Variants in CPED1 observed in about 807,000 individuals in gnomAD.
CPED1 encodes the protein cadherin like and PC-esterase domain containing 1, also known as cadherin-like and PC-esterase domain-containing protein 1.
CPED1 carries 114 observed loss-of-function variants against 128.2 expected under a neutral mutation model. The observed-to-expected ratio is 0.89, with a 90% CI of 0.76 to 1.04. The LOEUF is 1.04. Among genes scored for constraint, CPED1 ranks in the 50% least tolerant of loss-of-function variants. CPED1 has a pLI of 0.00. For missense variants in CPED1, 1,211 were observed against 1,207.1 expected (o/e 1.00, Z -0.05); for synonymous variants, 462 against 426.7 (o/e 1.08, Z -1.02).
chr7:121,067,505 G>A (rs1793869462), intron 5 of CPED1, among the ~76,000 whole-genome samples: 1 of 152,114 alleles, frequency 6.6e-6, no homozygotes, highest in African/African-American at 2.4e-5. Flanking sequence ...TCTTAATCCA[G>A]TCTATCATTG....
At position 121,036,507 on chromosome 7, in the gene CPED1, A is replaced by ATATT. The variant is rs1449540146; in HGVS notation, c.434-10379_434-10378insATTT. Among the ~76,000 whole-genome samples, 459 of 133,836 alleles carry ATATT rather than the reference A, an allele frequency of 3.4e-3. 3 individuals carry two copies. The highest frequency in any genetic ancestry group is 0.011 in the South Asian group (47 of 4,266). The allele number at this position is 133,836 out of a possible 152,430, so 87.8% of individuals were successfully genotyped here. On this transcript the variant is annotated intron_variant, in intron 3 of 22. Coordinates refer to ENST00000310396, the MANE Select transcript of CPED1 (RefSeq NM_024913.5). ...GGTGTGTGTATATATATATATATAT[A>ATATT]TTTTTTTTTTCTTTCTTTATCCACT...
At chr7:121,159,755 C>T (rs1321936565) in intron 16 of CPED1, among the ~76,000 whole-genome samples, 5 of 152,138 alleles carry the variant, frequency 3.3e-5, no homozygotes, top group African/African-American at 7.2e-5. Context: ...CTCCCTCACT[C>T]GCACACATAC....
intron 2 of CPED1, among the ~76,000 whole-genome samples, chr7:121,007,344 C>G (rs957586513): frequency 6.6e-6 from 1 of 151,452 alleles, no homozygotes; most frequent in Non-Finnish European, 1.5e-5. Context: ...AGAAAGGCAC[C>G]GTATGGTCCC....
intron 18 of CPED1, among the ~76,000 whole-genome samples, chr7:121,253,200 A>C (rs1798725435): frequency 6.6e-6 from 1 of 151,428 alleles, no homozygotes; most frequent in African/African-American, 2.4e-5. Context: ...TTCTCAGCAA[A>C]CTATCACAAG....
intron 22 of CPED1, among the ~76,000 whole-genome samples, chr7:121,289,172 T>C (rs1792642259): frequency 6.6e-6 from 1 of 152,174 alleles, no homozygotes; most frequent in Non-Finnish European, 1.5e-5. Flanking sequence ...CTGATTTCAC[T>C]GGATTTCTTA....
At chr7:121,244,420 C>G (rs767486770) in intron 18 of CPED1, 82 bp downstream of exon 18, 5 of 1,429,914 alleles carry the variant, frequency 3.5e-6, no homozygotes, top group Non-Finnish European at 4.8e-6. Flanking sequence ...TCTACTAGAC[C>G]AATTCCTGCT....
chr7:121,164,042 T>C (rs1464549263), intron 16 of CPED1, among the ~76,000 whole-genome samples: 1 of 152,238 alleles, frequency 6.6e-6, no homozygotes, highest in East Asian at 1.9e-4. Context: ...CTAGGTGCTC[T>C]GCTCTTTCTT....
At chr7:121,192,137 C>T (rs1797154863) in intron 16 of CPED1, among the ~76,000 whole-genome samples, 1 of 152,048 alleles carries the variant, frequency 6.6e-6, no homozygotes, top group Non-Finnish European at 1.5e-5. Context: ...GTCCACTGGC[C>T]ATTTCCTAAG....
chr7:121,026,684 A>G (rs1486151443), intron 3 of CPED1, among the ~76,000 whole-genome samples: 1 of 139,686 alleles, frequency 7.2e-6, no homozygotes, highest in Non-Finnish European at 1.6e-5. Flanking sequence ...AAAAAAAAAA[A>G]GTTTCCCAGG....
chr7:121,161,197 T>C (rs1723447157), intron 16 of CPED1, among the ~76,000 whole-genome samples: 1 of 152,116 alleles, frequency 6.6e-6, no homozygotes, highest in African/African-American at 2.4e-5. Context: ...TGCTCAGAGC[T>C]CAAAATCTAA....
intron 16 of CPED1, among the ~76,000 whole-genome samples, chr7:121,164,902 T>G (rs1034473555): frequency 6.6e-6 from 1 of 152,234 alleles, no homozygotes; most frequent in African/African-American, 2.4e-5. Flanking sequence ...TGACTTCTAG[T>G]CCTATATTGT....
chr7:121,215,978 A>C (rs1377622775), intron 16 of CPED1, among the ~76,000 whole-genome samples: 2 of 152,050 alleles, frequency 1.3e-5, no homozygotes, highest in Non-Finnish European at 2.9e-5. Context: ...ACAGATAAGA[A>C]AATTAAGGCA....
intron 3 of CPED1, among the ~76,000 whole-genome samples, chr7:121,038,171 A>G (rs1792951570): frequency 6.6e-6 from 1 of 151,752 alleles, no homozygotes; most frequent in Non-Finnish European, 1.5e-5. Flanking sequence ...TTCCAGTACT[A>G]TATTGAATAG....
intron 16 of CPED1, among the ~76,000 whole-genome samples, chr7:121,201,051 C>T (rs570620427): frequency 7.2e-5 from 11 of 152,194 alleles, no homozygotes; most frequent in African/African-American, 2.4e-4. Context: ...GTGGGTGTTT[C>T]TGCCTTTAAT....
In CPED1 at chr7:120,989,608, A is replaced by G. The variant is rs200553334; in HGVS notation, c.-14A>G. 3.1e-6 allele frequency: 5 copies of G among 1,613,328 alleles called. No homozygotes were observed. Among genetic ancestry groups the G allele is most frequent in the Non-Finnish European group, 4.2e-6 (5 of 1,179,774 alleles). ...CCGCAACGTGGACAGGGGCCAAGTGAAGCTGAACTGGTCATGGTCTGTCGC... is the reference window on the plus strand; with the variant it reads ...CCGCAACGTGGACAGGGGCCAAGTGGAGCTGAACTGGTCATGGTCTGTCGC... On this transcript the variant is annotated 5_prime_UTR_variant, in exon 2 of 23. It removes the in-frame stop codon of an upstream open reading frame in the 5' UTR. Coordinates refer to ENST00000310396, the MANE Select transcript of CPED1 (RefSeq NM_024913.5).
At chr7:121,251,412 G>A (rs1367967434) in intron 18 of CPED1, among the ~76,000 whole-genome samples, 1 of 151,782 alleles carries the variant, frequency 6.6e-6, no homozygotes, top group East Asian at 1.9e-4. Flanking sequence ...GCACAAGACA[G>A]GGATGCCCTC....
At chr7:121,208,504 A>G (rs527604153) in intron 16 of CPED1, among the ~76,000 whole-genome samples, 4 of 152,154 alleles carry the variant, frequency 2.6e-5, no homozygotes, top group Non-Finnish European at 5.9e-5. Context: ...TAATCCTCTG[A>G]ACAATTTTAT....
chr7:121,278,132 C>T (rs555301183), intron 22 of CPED1, among the ~76,000 whole-genome samples: 1 of 152,004 alleles, frequency 6.6e-6, no homozygotes, highest in South Asian at 2.1e-4. Flanking sequence ...AAAGGGGGCT[C>T]ATAATAGCTT....
chr7:121,228,911 A>G (rs1410604723), intron 16 of CPED1, among the ~76,000 whole-genome samples: 1 of 152,096 alleles, frequency 6.6e-6, no homozygotes, highest in East Asian at 1.9e-4. Flanking sequence ...TCTCACTTAC[A>G]TGTGGGAGCT....
Sources: allele counts gnomAD v4.1 joint callset (sites outside exome capture counted in the v4.1 genomes callset), GRCh38; gene constraint gnomAD v4.1.1; transcripts MANE v1.5; gene names NCBI Gene and HGNC (gene_info 2026-07-23, HGNC 2026-07-21).